DENND2B: variants seen among roughly 807,000 people sequenced by gnomAD.
DENND2B encodes DENN domain-containing protein 2B.
In DENND2B, 32 loss-of-function variants were observed where a neutral mutation model predicts 116.0. The ratio of observed to expected loss-of-function variants is 0.28; its 90% CI spans 0.21 to 0.37. DENND2B has a LOEUF of 0.37. DENND2B is among the 10% of genes least tolerant of loss of function. The pLI, the probability that DENND2B is intolerant of heterozygous loss-of-function variation, is 1.00. For missense variants in DENND2B, 1,276 were observed against 1,477.7 expected, an observed-to-expected ratio of 0.86 and a Z score of 2.24; for synonymous variants, 588 against 583.9, an observed-to-expected ratio of 1.01 and a Z score of -0.10.
At chr11:8,826,872 A>G (rs531019461) in intron 4 of DENND2B, among the ~76,000 whole-genome samples, 1 of 152,222 alleles carries the variant, frequency 6.6e-6, no homozygotes, top group Non-Finnish European at 1.5e-5. Context: ...AGAGATCAAC[A>G]TTGAACAACC....
intron 5 of DENND2B, among the ~76,000 whole-genome samples, chr11:8,716,464 G>T (rs956900827): frequency 1.3e-5 from 2 of 152,126 alleles, no homozygotes; most frequent in African/African-American, 2.4e-5. Context: ...CCTTGTCGCG[G>T]ACCCTGTCAG....
chr11:8,711,340 T>C (rs976733775), intron 9 of DENND2B, 109 bp from the exon 10 acceptor site: 5 of 858,064 alleles, frequency 5.8e-6, no homozygotes, highest in Non-Finnish European at 9.6e-6. Flanking sequence ...CTAGCGGGCA[T>C]GATCTCAGCA....
intron 1 of DENND2B, among the ~76,000 whole-genome samples, chr11:8,752,006 A>T (rs2052595015): frequency 6.6e-6 from 1 of 152,264 alleles, no homozygotes; most frequent in African/African-American, 2.4e-5. Flanking sequence ...AATGTGATCC[A>T]GTGAAGAGTA....
At chr11:8,710,757 A>ACACACG in intron 11 of DENND2B, 88 bp downstream of exon 11, 1 of 182,198 alleles carries the variant, frequency 5.5e-6, no homozygotes, top group Non-Finnish European at 9.0e-6. Context: ...AGAAGGGCAC[A>ACACACG]CACACACACA....
At chr11:8,734,271 T>C (rs987254856) in intron 2 of DENND2B, among the ~76,000 whole-genome samples, 6 of 152,216 alleles carry the variant, frequency 3.9e-5, no homozygotes, top group Non-Finnish European at 1.5e-5. Flanking sequence ...AGGGTTGTCA[T>C]ATTGAGCCAA....
chr11:8,821,460 T>A (rs2061762863), intron 4 of DENND2B, among the ~76,000 whole-genome samples: 1 of 150,974 alleles, frequency 6.6e-6, no homozygotes, highest in South Asian at 2.1e-4. Flanking sequence ...AAGCCTGTAG[T>A]CCCCGCTACA....
chr11:8,836,468 C>A (rs1187103269), intron 4 of DENND2B, among the ~76,000 whole-genome samples: 2 of 133,124 alleles, frequency 1.5e-5, no homozygotes, highest in Non-Finnish European at 3.1e-5. Flanking sequence ...GTCGCCCAGG[C>A]TGGAGTGCAG....
intron 1 of DENND2B, among the ~76,000 whole-genome samples, chr11:8,794,298 T>C (rs2059630062): frequency 6.6e-6 from 1 of 152,200 alleles, no homozygotes; most frequent in African/African-American, 2.4e-5. Flanking sequence ...GAGCACTCTG[T>C]ATTCTCACCT....
At chr11:8,764,203 G>A (rs1303688347) in intron 1 of DENND2B, among the ~76,000 whole-genome samples, 2 of 148,076 alleles carry the variant, frequency 1.4e-5, no homozygotes, top group Admixed American at 1.4e-4. Flanking sequence ...CTGGGCAATA[G>A]AGCGAGAATC....
At position 8,730,707 on chromosome 11, in the gene DENND2B, A is replaced by C. The variant is rs759977094; in HGVS notation, c.583T>G (p.Trp195Gly). 11 of 1,611,740 alleles carry C rather than the reference A, an allele frequency of 6.8e-6. No homozygotes were observed. The highest frequency in any genetic ancestry group is 9.3e-6 in the Non-Finnish European group (11 of 1,179,708). The change falls in exon 3 of 20, where the codon TGG becomes GGG. Residue 195 changes from tryptophan to glycine, a missense_variant. Transcript: ENST00000313726. This position sits in a 1 kb window ranked among gnomAD's most constrained non-coding sequence, Gnocchi z 4.1. ...GEKREGSGSE[W>G]AASEGCPSLG... ...CTGGGGCAGCCCTCACTGGCCGCCC[A>C]CTCGCTCCCAGAGCCCTCCCGCTTC...
At chr11:8,814,534 TGC>T (rs1272367965), upstream of DENND2B, among the ~76,000 whole-genome samples, 1 of 152,180 alleles carries the variant, frequency 6.6e-6, no homozygotes, top group African/African-American at 2.4e-5. Flanking sequence ...AAGCAGTCTT[TGC>T]CTGGATAGCT....
At chr11:8,726,723 C>T (rs1162089408) in intron 3 of DENND2B, among the ~76,000 whole-genome samples, 1 of 152,208 alleles carries the variant, frequency 6.6e-6, no homozygotes, top group Non-Finnish European at 1.5e-5. Context: ...AGTCTCACAT[C>T]CTCATCTGCA....
Position 8,730,139 on chromosome 11 carries a change from A to G in DENND2B, c.1151T>C (p.Val384Ala). 1 of 1,614,172 alleles carries G rather than the reference A, an allele frequency of 6.2e-7. No individual in the cohort carries two copies. The highest frequency in any genetic ancestry group is 8.5e-7 in the Non-Finnish European group (1 of 1,180,018). ...GCGCTTGGGTTTGGGGACAGGGTTCACAGCGGGATCGAGGGAACTCTTCGA... is the reference window on the plus strand; with the variant it reads ...GCGCTTGGGTTTGGGGACAGGGTTCGCAGCGGGATCGAGGGAACTCTTCGA... ...LPSKSSLDPA[V>A]NPVPKPKRTF... Residue 384 changes from valine (V) to alanine (A), a missense_variant, in exon 3 of 20, where the codon GTG (valine) becomes GCG (alanine). Physicochemically the swap from Val to Ala is moderately conservative, Grantham distance 64 (BLOSUM62 0). This residue lies in a region of DENND2B where 856 missense variants were observed against 846.6 expected (regional missense o/e 1.01). Coordinates refer to ENST00000313726, the MANE Select transcript of DENND2B (RefSeq NM_213618.2). This position sits in a 1 kb window ranked among gnomAD's most constrained non-coding sequence, Gnocchi z 4.1.
intron 1 of DENND2B, among the ~76,000 whole-genome samples, chr11:8,900,870 G>A (rs555069001): frequency 1.3e-5 from 2 of 152,186 alleles, no homozygotes; most frequent in East Asian, 3.9e-4. Context: ...TTGAGCAGCT[G>A]AGGCAGGAGA....
Position 8,730,593 on chromosome 11 carries a change from A to G in DENND2B, c.697T>C (p.Ser233Pro). The G allele has an allele frequency of 1.2e-6, 2 of 1,613,116 alleles. No individual in the cohort carries two copies. Among genetic ancestry groups the G allele is most frequent in the Non-Finnish European group, 1.7e-6 (2 of 1,180,014 alleles). ...KGLRRMSRTF[S>P]ECSYPETEEE... Reference sequence around the variant, plus strand: ...TCAGTCTCTGGGTAGGAACACTCGGAGAAGGTCCTGCTCATCCTCCGGAGG... The same window carrying G: ...TCAGTCTCTGGGTAGGAACACTCGGGGAAGGTCCTGCTCATCCTCCGGAGG... The change falls in exon 3 of 20, where the codon TCC (serine) becomes CCC (proline). Residue 233 changes from serine to proline, a missense_variant. Around this residue, in one of 2 missense-constraint regions of DENND2B, gnomAD observed 856 missense variants for 846.6 expected, o/e 1.01. Coordinates refer to ENST00000313726, the MANE Select transcript of DENND2B (RefSeq NM_213618.2). This position sits in a 1 kb window ranked among gnomAD's most constrained non-coding sequence, Gnocchi z 4.1.
chr11:8,889,522 G>A (rs1177847234), intron 1 of DENND2B, among the ~76,000 whole-genome samples: 1 of 151,950 alleles, frequency 6.6e-6, no homozygotes. Context: ...ACAGCACCTG[G>A]AAAATCAGGT....
At chr11:8,704,993 G>A (rs1447903084) in intron 13 of DENND2B, among the ~76,000 whole-genome samples, 3 of 152,022 alleles carry the variant, frequency 2.0e-5, no homozygotes, top group African/African-American at 7.2e-5. Flanking sequence ...CATGAGCCAC[G>A]GTGCCCGGTC....
intron 1 of DENND2B, among the ~76,000 whole-genome samples, chr11:8,770,426 G>A (rs1432709050): frequency 6.6e-6 from 1 of 152,118 alleles, no homozygotes; most frequent in Non-Finnish European, 1.5e-5. Flanking sequence ...CTACTTCATA[G>A]AGACATTATA....
intron 1 of DENND2B, among the ~76,000 whole-genome samples, chr11:8,891,366 G>A (rs935585769): frequency 2.0e-5 from 3 of 152,078 alleles, no homozygotes; most frequent in African/African-American, 7.2e-5. Flanking sequence ...CATCATAATG[G>A]CAGGATCAAA....
Sources: gnomAD v4.1 joint callset for allele counts (sites outside exome capture counted in the v4.1 genomes callset) on GRCh38, gnomAD v4.1.1 for gene constraint, gnomAD v4.1.1 regional missense constraint, Gnocchi (gnomAD v3.1) non-coding constraint, MANE v1.5 for transcripts, NCBI Gene and HGNC (gene_info 2026-07-23, HGNC 2026-07-21) for gene names.